DIS3L2: variants seen among roughly 807,000 people sequenced by gnomAD.
DIS3L2 encodes DIS3-like exonuclease 2.
DIS3L2 carries 34 observed loss-of-function variants against 97.5 expected under a neutral mutation model. That is an observed-to-expected ratio of 0.35 (90% CI 0.27 to 0.46). DIS3L2 has a LOEUF of 0.46. Ranked by LOEUF, DIS3L2 falls within the 20% of genes least tolerant of loss-of-function variation. The pLI is 1.00. For synonymous variants in DIS3L2, 435 were observed against 445.2 expected (o/e 0.98, Z 0.29); for missense variants, 1,038 against 1,146.0 (o/e 0.91, Z 1.36).
downstream of DIS3L2, among the ~76,000 whole-genome samples, chr2:232,342,174 T>A (rs139546330): frequency 6.6e-6 from 1 of 151,708 alleles, no homozygotes; most frequent in Non-Finnish European, 1.5e-5. Flanking sequence ...CACATACACA[T>A]ATATACACGT....
At chr2:232,106,057 C>G (rs1427554323) in intron 6 of DIS3L2, among the ~76,000 whole-genome samples, 1 of 152,146 alleles carries the variant, frequency 6.6e-6, no homozygotes, top group East Asian at 1.9e-4. Flanking sequence ...TTTCCATGCT[C>G]TCTAGATTCT....
chr2:232,130,745 G>A (rs776559573), intron 7 of DIS3L2, 26 bp downstream of exon 7: 11 of 1,611,906 alleles, frequency 6.8e-6, no homozygotes, highest in South Asian at 4.4e-5. Context: ...TTTTCTCCAC[G>A]TGTCCAAATG....
intron 12 of DIS3L2, among the ~76,000 whole-genome samples, chr2:232,252,798 G>T (rs529365542): frequency 1.1e-4 from 17 of 152,260 alleles, no homozygotes; most frequent in Middle Eastern, 3.4e-3. Flanking sequence ...CTACTCAGGA[G>T]GTTCAGGTGG....
chr2:232,336,588 G>A lies in DIS3L2; in HGVS notation c.2616G>A (p.Glu872=), dbSNP rs373167034. ...GCCACCTGGGCCCTGAGAAGGAGGA[G>A]GAGGAGTCTGACGGTGAGCCCGAGG... is the stretch of plus-strand genomic sequence containing the variant. ...TQGHLGPEKE[E]EESDGEPEDS... is the part of the protein sequence containing the mutation. The change falls in exon 21 of 21, where the codon GAG becomes GAA. Residue 872 remains glutamate (E), a synonymous_variant. Transcript: ENST00000325385. The A allele has an allele frequency of 1.9e-6, 3 of 1,608,644 alleles. No homozygotes were observed. Among genetic ancestry groups the A allele is most frequent in the African/African-American group, 1.3e-5 (1 of 75,016 alleles).
At chr2:232,212,013 T>C (rs764348439) in intron 10 of DIS3L2, among the ~76,000 whole-genome samples, 19 of 152,158 alleles carry the variant, frequency 1.2e-4, no homozygotes, top group Non-Finnish European at 2.4e-4. Flanking sequence ...CACGAGCCAC[T>C]GTGCTGAGCC....
chr2:232,153,920 C>A (rs1466576484), intron 8 of DIS3L2, among the ~76,000 whole-genome samples: 2 of 151,520 alleles, frequency 1.3e-5, no homozygotes, highest in African/African-American at 4.8e-5. Flanking sequence ...TCTTTTTTCT[C>A]TAAACTTCCC....
At chr2:231,986,188 C>G (rs887108905) in intron 1 of DIS3L2, among the ~76,000 whole-genome samples, 2 of 152,198 alleles carry the variant, frequency 1.3e-5, no homozygotes, top group Non-Finnish European at 2.9e-5. Context: ...GGCTTTTGGA[C>G]ATGGACTGAG....
At chr2:232,286,543 T>G (rs965904905) in intron 13 of DIS3L2, among the ~76,000 whole-genome samples, 1 of 152,232 alleles carries the variant, frequency 6.6e-6, no homozygotes, top group African/African-American at 2.4e-5. Context: ...TGTTCCAGCA[T>G]GTCATGTTTT....
intron 5 of DIS3L2, among the ~76,000 whole-genome samples, chr2:232,040,800 A>G (rs1293730716): frequency 1.3e-5 from 2 of 152,304 alleles, no homozygotes; most frequent in East Asian, 3.9e-4. Context: ...TAGGGCACAT[A>G]TAACTAAGGA....
At chr2:232,247,198 T>TAC (rs1381882330) in intron 11 of DIS3L2, among the ~76,000 whole-genome samples, 1 of 152,162 alleles carries the variant, frequency 6.6e-6, no homozygotes, top group African/African-American at 2.4e-5. Flanking sequence ...GTTACCAAAA[T>TAC]ACAGTTGATA....
intron 5 of DIS3L2, among the ~76,000 whole-genome samples, chr2:232,072,783 G>GGTGTGT (rs56884799): frequency 0.12 from 16,755 of 139,658 alleles, 1,585 homozygotes; most frequent in East Asian, 0.45. Context: ...TGGGATGTGG[G>GGTGTGT]GTGTGTGTGT....
At chr2:232,088,648 G>C (rs975640840) in intron 6 of DIS3L2, among the ~76,000 whole-genome samples, 1 of 151,810 alleles carries the variant, frequency 6.6e-6, no homozygotes, top group African/African-American at 2.4e-5. Flanking sequence ...AAAGTATTTT[G>C]ATTCTAAGCC....
At chr2:232,144,045 T>G (rs1168054770) in intron 8 of DIS3L2, among the ~76,000 whole-genome samples, 1 of 152,168 alleles carries the variant, frequency 6.6e-6, no homozygotes, top group Non-Finnish European at 1.5e-5. Context: ...TTCACTCATT[T>G]TAGTCGATAA....
At chr2:232,323,507 T>G (rs1301090492) in intron 14 of DIS3L2, among the ~76,000 whole-genome samples, 1 of 152,126 alleles carries the variant, frequency 6.6e-6, no homozygotes, top group Non-Finnish European at 1.5e-5. Flanking sequence ...GCCCGCCCAC[T>G]CACCTATAGA....
chr2:232,338,282 G>A (rs568103387), downstream of DIS3L2, among the ~76,000 whole-genome samples: 1,731 of 150,814 alleles, frequency 0.011, 29 homozygotes, highest in African/African-American at 0.039. Flanking sequence ...CATGGGAGCT[G>A]TTCCCTCACA....
intron 13 of DIS3L2, among the ~76,000 whole-genome samples, chr2:232,297,439 G>T (rs1694749666): frequency 6.6e-6 from 1 of 152,150 alleles, no homozygotes; most frequent in African/African-American, 2.4e-5. Flanking sequence ...TACTTCTTGG[G>T]TCTAGTGGCT....
rs1416481544 is a variant in DIS3L2 at position 232,045,626 on chromosome 2, T to TGAGG, written c.366+15551_366+15554dup. The stretch of plus-strand genomic sequence containing the variant: ...TTTATAAGGGCCTAAATCCCATTCA[T>TGAGG]GAGGGAGGAGCCCTCATGATATCAT... On this transcript the variant is annotated intron_variant, in intron 5 of 20. Transcript: ENST00000325385. 6.6e-5 allele frequency among the ~76,000 whole-genome samples: 10 copies of TGAGG among 150,688 alleles called. No homozygotes were observed. In the East Asian group the frequency reaches 1.6e-3, roughly 24 times the overall value.
chr2:232,027,530 CA>C (rs1232088583), intron 4 of DIS3L2, among the ~76,000 whole-genome samples: 1 of 151,970 alleles, frequency 6.6e-6, no homozygotes, highest in Non-Finnish European at 1.5e-5. Context: ...TTTAGAGAGA[CA>C]AAAATAGAGA....
chr2:232,228,535 A>G (rs1312072564), intron 10 of DIS3L2, among the ~76,000 whole-genome samples: 1 of 152,244 alleles, frequency 6.6e-6, no homozygotes, highest in Non-Finnish European at 1.5e-5. Context: ...GAGTATGCCC[A>G]GTTCTCTGCT....
Sources: allele counts gnomAD v4.1 joint callset (sites outside exome capture counted in the v4.1 genomes callset), GRCh38; gene constraint gnomAD v4.1.1; transcripts MANE v1.5; gene names NCBI Gene and HGNC (gene_info 2026-07-23, HGNC 2026-07-21).